Variants in ESR1 observed in about 807,000 individuals in gnomAD.
ESR1 encodes the protein estrogen receptor 1.
A neutral mutation model predicts 52.7 loss-of-function variants in ESR1; 12 were observed. That is an observed-to-expected ratio of 0.23 (90% confidence interval 0.15 to 0.37). The LOEUF is 0.37. ESR1 is among the 10% of genes least tolerant of loss of function. The probability of loss-of-function intolerance (pLI) is 1.00; values close to 1 mark genes in which losing one functional copy is unlikely to be tolerated. For synonymous variants in ESR1, 305 were observed against 316.8 expected, an observed-to-expected ratio of 0.96 and a Z score of 0.39; for missense variants, 584 against 779.7, an observed-to-expected ratio of 0.75 and a Z score of 2.99.
At chr6:152,032,774 G>T (rs1261431958) in intron 5 of ESR1, among the ~76,000 whole-genome samples, 9 of 152,120 alleles carry the variant, frequency 5.9e-5, no homozygotes, top group Non-Finnish European at 1.2e-4. Flanking sequence ...TTTCTTCACA[G>T]AATTGGAAAA....
chr6:152,000,747 C>G (rs2041883774), intron 4 of ESR1, among the ~76,000 whole-genome samples: 1 of 152,008 alleles, frequency 6.6e-6, no homozygotes, highest in Admixed American at 6.6e-5. Context: ...ATATGTGCCA[C>G]TGTTTTGTAT....
At chr6:151,990,628 G>A (rs2040918465) in intron 4 of ESR1, among the ~76,000 whole-genome samples, 2 of 151,522 alleles carry the variant, frequency 1.3e-5, no homozygotes, top group Admixed American at 1.3e-4. Flanking sequence ...CTGCAGAGGG[G>A]AGGCTGAGAA....
Position 152,100,132 on chromosome 6 carries a change from C to T in ESR1, c.*1166C>T. ...GCTACCTAGGAACATTCCTTGCAGA[C>T]CCCGCATTGCCCTTTGGGGGTGCCC... is the stretch of plus-strand genomic sequence containing the variant. On this transcript the variant is annotated 3_prime_UTR_variant, in exon 8 of 8. Coordinates refer to ENST00000206249, the MANE Select transcript of ESR1 (RefSeq NM_000125.4). 2.5e-6 allele frequency: 1 copy of T among 398,722 alleles called. No homozygotes were observed. Among genetic ancestry groups the T allele is most frequent in the East Asian group, 3.6e-5 (1 of 28,064 alleles). 24.7% of individuals were successfully genotyped at this position (398,722 alleles called of 1,614,324 possible).
intron 2 of ESR1, among the ~76,000 whole-genome samples, chr6:151,849,872 G>C (rs995596064): frequency 2.0e-5 from 3 of 149,364 alleles, no homozygotes; most frequent in African/African-American, 7.4e-5. Flanking sequence ...CTCTCCTTCT[G>C]TTTTGCTCCT....
intron 1 of ESR1, among the ~76,000 whole-genome samples, chr6:151,814,405 A>G (rs751059979): frequency 6.6e-5 from 10 of 152,046 alleles, no homozygotes; most frequent in Admixed American, 1.3e-4. Context: ...CTTTTACCCT[A>G]TTAAGCTTTC....
At chr6:151,869,101 T>TC (rs397790362) in intron 2 of ESR1, among the ~76,000 whole-genome samples, 1 of 151,220 alleles carries the variant, frequency 6.6e-6, no homozygotes, top group African/African-American at 2.4e-5. Context: ...TGTTCAGGGT[T>TC]CTGAGTTTTA....
chr6:151,947,866 A>T (rs944245325), intron 4 of ESR1, among the ~76,000 whole-genome samples: 1 of 103,314 alleles, frequency 9.7e-6, no homozygotes, highest in Non-Finnish European at 2.7e-5. Flanking sequence ...CTGACAAAAG[A>T]TGTTTTTTTT....
intron 6 of ESR1, among the ~76,000 whole-genome samples, chr6:152,079,431 G>A (rs2049012331): frequency 6.6e-6 from 1 of 152,120 alleles, no homozygotes; most frequent in Non-Finnish European, 1.5e-5. Context: ...CAAACAGAAA[G>A]GAATAGCATC....
At chr6:151,808,444 C>G (rs1778235403) in intron 1 of ESR1, 80 bp downstream of exon 1, 1 of 1,168,276 alleles carries the variant, frequency 8.6e-7, no homozygotes, top group Non-Finnish European at 1.1e-6. Flanking sequence ...GAAGGGAGAG[C>G]CTAGGGAGCT....
At chr6:152,057,708 C>T (rs1213947275) in intron 5 of ESR1, among the ~76,000 whole-genome samples, 1 of 151,826 alleles carries the variant, frequency 6.6e-6, no homozygotes, top group South Asian at 2.1e-4. Context: ...CACACACACA[C>T]ACACACACAC....
Position 152,101,729 on chromosome 6 carries a change from AG to A in ESR1, c.*2765del. 1 of 230,444 alleles carries A rather than the reference AG, an allele frequency of 4.3e-6. No homozygotes were observed. The allele number at this position is 230,444 out of a possible 1,614,324, so 14.3% of individuals were successfully genotyped here. Reference sequence around the variant, plus strand: ...AAGATGTGATTTATCTGGGGGGCTCAGGTATGGTGGGGAAGTGGATTCAGGA... The same window carrying A: ...AAGATGTGATTTATCTGGGGGGCTCAGTATGGTGGGGAAGTGGATTCAGGA... On this transcript the variant is annotated 3_prime_UTR_variant, in exon 8 of 8. Coordinates refer to ENST00000206249, the MANE Select transcript of ESR1 (RefSeq NM_000125.4).
chr6:151,932,791 C>T (rs1486454123), intron 3 of ESR1, among the ~76,000 whole-genome samples: 84 of 150,254 alleles, frequency 5.6e-4, no homozygotes, highest in Non-Finnish European at 8.6e-4. Context: ...TCTGAGGGCT[C>T]TGTTCTGTTC....
At chr6:152,033,653 G>A (rs1237576576) in intron 5 of ESR1, among the ~76,000 whole-genome samples, 2 of 152,214 alleles carry the variant, frequency 1.3e-5, no homozygotes, top group African/African-American at 2.4e-5. Flanking sequence ...AACAGGTGCT[G>A]GAGAGGATGT....
chr6:152,117,248 T>C lies in ESR1; in HGVS notation c.851-8018T>C, dbSNP rs73781645. 6.2e-3 allele frequency among the ~76,000 whole-genome samples: 943 copies of C among 152,314 alleles called. 8 individuals carry two copies. Among genetic ancestry groups the C allele is most frequent in the African/African-American group, 0.022 (896 of 41,562 alleles). ...CCAATAAATGGGGTTTGGGGTTGGC[T>C]GCCTGGAATTGCTGTCGAAGTTGGC... On this transcript the variant is annotated intron_variant, in intron 6 of 6. Transcript: ENST00000427531.
At chr6:151,774,114 T>C (rs1410465086) in intron 2 of ESR1, among the ~76,000 whole-genome samples, 1 of 152,196 alleles carries the variant, frequency 6.6e-6, no homozygotes, top group Non-Finnish European at 1.5e-5. Flanking sequence ...AGAGAGGGCT[T>C]CTGGAAAGGT....
intron 2 of ESR1, among the ~76,000 whole-genome samples, chr6:151,844,079 T>C (rs1269764487): frequency 6.6e-6 from 1 of 151,722 alleles, no homozygotes; most frequent in African/African-American, 2.4e-5. Flanking sequence ...TTAATGATAT[T>C]CTCAATAGTA....
At chr6:151,991,824 C>G (rs1025507028) in intron 4 of ESR1, among the ~76,000 whole-genome samples, 2 of 152,150 alleles carry the variant, frequency 1.3e-5, no homozygotes, top group African/African-American at 4.8e-5. Context: ...CTTTCTTCCC[C>G]TCCAGGCTGC....
rs75662650 is a variant in ESR1, at chr6:151,765,021, A to G, written c.-70-42822A>G. ...TCGTTTAAACTTTTCTAGTAATCACATTAAAATTGTAAAAAGAAGCCAATA... is the reference window on the plus strand; with the variant it reads ...TCGTTTAAACTTTTCTAGTAATCACGTTAAAATTGTAAAAAGAAGCCAATA... On this transcript the variant is annotated intron_variant, in intron 2 of 2. Transcript: ENST00000404742. 2.0e-5 allele frequency among the ~76,000 whole-genome samples: 3 copies of G among 152,270 alleles called. No individual in the cohort carries two copies. The East Asian group carries it at 5.8e-4, about 29-fold the overall frequency.
chr6:151,967,916 G>T (rs2038456250), intron 4 of ESR1, among the ~76,000 whole-genome samples: 2 of 152,132 alleles, frequency 1.3e-5, no homozygotes, highest in South Asian at 4.2e-4. Context: ...GTTTTGATTT[G>T]CATTTCTCTA....
Sources: allele counts gnomAD v4.1 joint callset (sites outside exome capture counted in the v4.1 genomes callset), GRCh38; gene constraint gnomAD v4.1.1; transcripts MANE v1.5; gene names NCBI Gene and HGNC (gene_info 2026-07-23, HGNC 2026-07-21).